Variants in CASD1 observed in about 807,000 individuals in gnomAD.
CASD1 encodes N-acetylneuraminate (7)9-O-acetyltransferase.
A neutral mutation model predicts 100.0 loss-of-function variants in CASD1; 41 were observed. That is an observed-to-expected ratio of 0.41 (90% CI 0.32 to 0.53). The LOEUF is 0.53. Among genes scored for constraint, CASD1 ranks in the 20% least tolerant of loss-of-function variants. The pLI is 0.25. For synonymous variants in CASD1, 321 were observed against 315.6 expected, an observed-to-expected ratio of 1.02 and a Z score of -0.18; for missense variants, 774 against 948.7, an observed-to-expected ratio of 0.82 and a Z score of 2.42.
At chr7:94,578,095 G>T in the CASD1 span, among the ~76,000 whole-genome samples, 52 of 152,030 alleles carry the variant, frequency 3.4e-4, no homozygotes, top group African/African-American at 1.2e-3. Flanking sequence ...AACCCACCCT[G>T]GATTGCTAAA....
intron 9 of CASD1, 88 bp from the exon 10 acceptor site, chr7:94,538,879 A>G (rs561664310): frequency 3.0e-5 from 18 of 595,066 alleles, no homozygotes; most frequent in East Asian, 1.5e-4. Context: ...TTTATGTCCT[A>G]TAAGAAAACT....
At chr7:94,560,285 T>C (rs540879653), downstream of CASD1, among the ~76,000 whole-genome samples, 25 of 152,302 alleles carry the variant, frequency 1.6e-4, no homozygotes, top group Non-Finnish European at 3.1e-4. Context: ...ATTTCTGGTG[T>C]TGAGAGAAAA....
At chr7:94,512,280 G>T (rs1219743149) in intron 1 of CASD1, among the ~76,000 whole-genome samples, 2 of 152,140 alleles carry the variant, frequency 1.3e-5, no homozygotes, top group Non-Finnish European at 2.9e-5. Context: ...AAAAAATCTC[G>T]TATCATTTAA....
In CASD1 at chr7:94,514,619, A is replaced by G. The variant is rs540564805; in HGVS notation, c.134-2941A>G. On this transcript the variant is annotated intron_variant, in intron 1 of 17. Coordinates refer to ENST00000297273, the MANE Select transcript of CASD1 (RefSeq NM_022900.5). Reference sequence around the variant, plus strand: ...TTTGTTTGCTTTTAAGTATTTTTCTATCACAGAAAAATCATGCATAAAATT... The same window carrying G: ...TTTGTTTGCTTTTAAGTATTTTTCTGTCACAGAAAAATCATGCATAAAATT... Among the ~76,000 whole-genome samples the G allele has an allele frequency of 1.8e-4, 28 of 152,244 alleles. No homozygotes were observed. The East Asian group carries it at 5.0e-3, about 27-fold the overall frequency.
chr7:94,632,383 C>A, the CASD1 span, among the ~76,000 whole-genome samples: 1 of 152,030 alleles, frequency 6.6e-6, no homozygotes, highest in Non-Finnish European at 1.5e-5. Context: ...TTCTACAGAG[C>A]CAAGACACAA....
the CASD1 span, chr7:94,603,227 T>C: frequency 5.9e-6 from 8 of 1,350,692 alleles, no homozygotes; most frequent in Admixed American, 1.9e-5. Flanking sequence ...CAGGTTTTAG[T>C]CAAACGTTAA....
At chr7:94,565,300 T>A in the CASD1 span, among the ~76,000 whole-genome samples, 2 of 152,156 alleles carry the variant, frequency 1.3e-5, no homozygotes, top group African/African-American at 4.8e-5. Flanking sequence ...ATAAGGGTCC[T>A]AAATTTAGCG....
chr7:94,558,240 T>A (rs1796271832), downstream of CASD1, among the ~76,000 whole-genome samples: 1 of 152,188 alleles, frequency 6.6e-6, no homozygotes, highest in African/African-American at 2.4e-5. Context: ...ATTATTCTAT[T>A]CTCGAATGAC....
chr7:94,554,388 C>T, intron 16 of CASD1, 95 bp from the exon 17 acceptor site: 4 of 757,038 alleles, frequency 5.3e-6, no homozygotes, highest in Non-Finnish European at 6.4e-6. Flanking sequence ...AGTTCACAAA[C>T]ATAAAGAATA....
At chr7:94,527,429 A>G (rs1794631306) in intron 4 of CASD1, among the ~76,000 whole-genome samples, 1 of 152,202 alleles carries the variant, frequency 6.6e-6, no homozygotes, top group Non-Finnish European at 1.5e-5. Flanking sequence ...TTCCGGGTTA[A>G]TGTCCATAAA....
At chr7:94,620,452 C>T in the CASD1 span, 27 of 152,150 alleles carry the variant, frequency 1.8e-4, no homozygotes, top group South Asian at 1.5e-3. Context: ...AAATAAATTT[C>T]GTTTTATAGA....
chr7:94,510,343 C>A (rs36022364), intron 1 of CASD1, 126 bp downstream of exon 1: 384,410 of 666,582 alleles, frequency 0.58, 115,013 homozygotes, highest in East Asian at 0.75. Context: ...GCGGGGGAGG[C>A]GGTTCCCCCA....
chr7:94,527,209 A>G lies in CASD1; in HGVS notation c.396+3A>G. The G allele has an allele frequency of 6.3e-7, 1 of 1,599,648 alleles. No individual in the cohort carries two copies. The highest frequency in any genetic ancestry group is 8.6e-7 in the Non-Finnish European group (1 of 1,167,706). On this transcript the variant is annotated splice_donor_region_variant and intron_variant, in intron 4 of 17. Transcript: ENST00000297273. Reference sequence around the variant, plus strand: ...ACAAGACTGCATCAGTTAAAGTGGTAAGTTCATGTAATAGTAAGCTAGATG... The same window carrying G: ...ACAAGACTGCATCAGTTAAAGTGGTGAGTTCATGTAATAGTAAGCTAGATG...
chr7:94,596,803 ACTT>A, the CASD1 span, among the ~76,000 whole-genome samples: 9 of 151,972 alleles, frequency 5.9e-5, no homozygotes, highest in African/African-American at 2.2e-4. Context: ...TGTTGCTACT[ACTT>A]TTTTCCAAGT....
the CASD1 span, chr7:94,588,711 C>G: frequency 3.3e-5 from 53 of 1,610,376 alleles, no homozygotes; most frequent in Non-Finnish European, 4.2e-5. Flanking sequence ...GTTGGGGAAT[C>G]TGAGTCTGAT....
chr7:94,613,642 C>A, the CASD1 span, among the ~76,000 whole-genome samples: 2 of 152,022 alleles, frequency 1.3e-5, no homozygotes, highest in African/African-American at 4.8e-5. Context: ...TGTGAAGAAA[C>A]AAGTAATGGT....
the CASD1 span, chr7:94,599,533 A>G: frequency 3.1e-6 from 2 of 639,660 alleles, no homozygotes; most frequent in Non-Finnish European, 5.6e-6. Context: ...TTTAGTTTCT[A>G]CCCCTCCTAA....
chr7:94,614,735 C>T, the CASD1 span, among the ~76,000 whole-genome samples: 3 of 152,132 alleles, frequency 2.0e-5, no homozygotes, highest in Admixed American at 6.5e-5. Context: ...ACTTAAAACA[C>T]TGATTTTAAT....
At chr7:94,631,198 C>A in the CASD1 span, among the ~76,000 whole-genome samples, 1 of 151,942 alleles carries the variant, frequency 6.6e-6, no homozygotes, top group Non-Finnish European at 1.5e-5. Context: ...CAGTACCCAA[C>A]TTCTACTCAA....
Sources: allele counts gnomAD v4.1 joint callset (sites outside exome capture counted in the v4.1 genomes callset), GRCh38; gene constraint gnomAD v4.1.1; transcripts MANE v1.5; gene names NCBI Gene and HGNC (gene_info 2026-07-23, HGNC 2026-07-21).